Variants in CAMTA1 observed in about 807,000 individuals in gnomAD.
CAMTA1 encodes the protein calmodulin-binding transcription activator 1.
A neutral mutation model predicts 170.9 loss-of-function variants in CAMTA1; 27 were observed. The observed-to-expected ratio is 0.16, with a 90% CI of 0.12 to 0.22. The LOEUF (loss-of-function observed/expected upper bound fraction) is 0.22. Among genes scored for constraint, CAMTA1 ranks in the 10% least tolerant of loss-of-function variants. The probability of loss-of-function intolerance (pLI) is 1.00; values close to 1 mark genes in which losing one functional copy is unlikely to be tolerated. For synonymous variants in CAMTA1, 833 were observed against 891.5 expected (o/e 0.93, Z 1.17); for missense variants, 1,619 against 2,217.2 (o/e 0.73, Z 5.42).
chr1:6,996,444 G>A (rs962145180), intron 3 of CAMTA1, among the ~76,000 whole-genome samples: 7 of 152,194 alleles, frequency 4.6e-5, no homozygotes, highest in Non-Finnish European at 1.0e-4. Flanking sequence ...GCTGCTTACA[G>A]TCTATTCCAT....
intron 6 of CAMTA1, among the ~76,000 whole-genome samples, chr1:7,504,102 T>G (rs1292951807): frequency 2.0e-5 from 3 of 152,084 alleles, no homozygotes; most frequent in Non-Finnish European, 2.9e-5. Flanking sequence ...TGGGCAGTGG[T>G]GGGTTCTTAG....
At chr1:7,358,517 TTCC>T (rs1174231975) in intron 5 of CAMTA1, among the ~76,000 whole-genome samples, 2 of 151,468 alleles carry the variant, frequency 1.3e-5, no homozygotes, top group Non-Finnish European at 2.9e-5. Flanking sequence ...GGAGCCTCCC[TTCC>T]TCCTCCAGCG....
chr1:7,376,511 T>C (rs59889992), intron 5 of CAMTA1, among the ~76,000 whole-genome samples: 3,257 of 152,270 alleles, frequency 0.021, 83 homozygotes, highest in African/African-American at 0.061. Context: ...CAGTGCCTAA[T>C]TTAGTGAGTC....
At position 7,633,313 on chromosome 1, in the gene CAMTA1, A is replaced by G. The variant is rs576071245; in HGVS notation, c.511-7087A>G. Among the ~76,000 whole-genome samples, 5 of 152,280 alleles carry G rather than the reference A, an allele frequency of 3.3e-5. No individual in the cohort carries two copies. In the East Asian group the frequency reaches 9.7e-4, roughly 30 times the overall value. ...GGAACTGGGGAGGTCAGCAGCTCCAAATGCATTTCCAGGAGGCACAGCTGG... is the reference window on the plus strand; with the variant it reads ...GGAACTGGGGAGGTCAGCAGCTCCAGATGCATTTCCAGGAGGCACAGCTGG... On this transcript the variant is annotated intron_variant, in intron 6 of 22. Coordinates refer to ENST00000303635, the MANE Select transcript of CAMTA1 (RefSeq NM_015215.4). The surrounding 1 kb of genome is among the most constrained non-coding windows in gnomAD (Gnocchi z 4.1).
At chr1:7,187,859 A>G (rs1183592977) in intron 4 of CAMTA1, among the ~76,000 whole-genome samples, 1 of 152,080 alleles carries the variant, frequency 6.6e-6, no homozygotes, top group Non-Finnish European at 1.5e-5. Context: ...CTTCTTGGAG[A>G]CAGCTCTTTT....
intron 6 of CAMTA1, among the ~76,000 whole-genome samples, chr1:7,494,803 C>CA (rs565682186): frequency 7.9e-5 from 12 of 151,256 alleles, no homozygotes; most frequent in African/African-American, 1.7e-4. Flanking sequence ...GACCCTGTCT[C>CA]AAAAAAAATA....
chr1:7,730,924 CTCTCTATA>C (rs774628855), intron 11 of CAMTA1, among the ~76,000 whole-genome samples: 23 of 108,050 alleles, frequency 2.1e-4, no homozygotes, highest in African/African-American at 6.6e-4. Flanking sequence ...CTCTCTCTCT[CTCTCTATA>C]TATATATATA....
At position 7,732,119 on chromosome 1, in the gene CAMTA1, C is replaced by T. The variant is rs1316432611; in HGVS notation, c.2915-329C>T. Among the ~76,000 whole-genome samples the T allele has an allele frequency of 6.6e-6, 1 of 151,406 alleles. No individual in the cohort carries two copies. The highest frequency in any genetic ancestry group is 1.5e-5 in the Non-Finnish European group (1 of 67,958). ...TATTTATTTTACTTGCTCTAGAGGG[C>T]TCTCTACCAGATCTCATGTCAGGGT... is the stretch of plus-strand genomic sequence containing the variant. On this transcript the variant is annotated intron_variant, in intron 11 of 22. Transcript: ENST00000303635. This position sits in a 1 kb window ranked among gnomAD's most constrained non-coding sequence, Gnocchi z 4.1.
intron 4 of CAMTA1, among the ~76,000 whole-genome samples, chr1:7,189,038 G>A (rs1325028092): frequency 6.6e-5 from 10 of 152,114 alleles, no homozygotes; most frequent in Non-Finnish European, 4.4e-5. Context: ...CACACTTTAA[G>A]CTTCACATTT....
At chr1:7,512,357 G>C (rs762723435) in intron 6 of CAMTA1, among the ~76,000 whole-genome samples, 1 of 152,222 alleles carries the variant, frequency 6.6e-6, no homozygotes, top group Non-Finnish European at 1.5e-5. Flanking sequence ...AGATTGGGGT[G>C]GTCCTGGAGG....
chr1:6,867,324 C>A lies in CAMTA1; in HGVS notation c.234+42114C>A, dbSNP rs369809228. 1.2e-4 allele frequency among the ~76,000 whole-genome samples: 18 copies of A among 151,884 alleles called. 1 individual carries two copies. In the South Asian group the frequency reaches 3.5e-3, roughly 30 times the overall value. On this transcript the variant is annotated intron_variant, in intron 3 of 22. Coordinates refer to ENST00000303635, the MANE Select transcript of CAMTA1 (RefSeq NM_015215.4). ...AGAAAGATATTTAACTTGTAGTTTT[C>A]GCTTTTTTTTTCTTTTTGAGGAGTA...
chr1:7,104,221 AAC>A (rs796070323), intron 4 of CAMTA1, among the ~76,000 whole-genome samples: 4 of 148,050 alleles, frequency 2.7e-5, no homozygotes, highest in East Asian at 2.0e-4. Context: ...ATGTACACAC[AAC>A]ACAACTACAC....
chr1:7,348,894 G>T (rs2084431684), intron 5 of CAMTA1, among the ~76,000 whole-genome samples: 1 of 152,180 alleles, frequency 6.6e-6, no homozygotes, highest in Admixed American at 6.5e-5. Context: ...TCCCTCAGTT[G>T]CCCATCAAAG....
chr1:7,017,919 G>A (rs145313571), intron 3 of CAMTA1, among the ~76,000 whole-genome samples: 7 of 152,018 alleles, frequency 4.6e-5, no homozygotes, highest in Admixed American at 4.6e-4. Context: ...TTCTGTGAGT[G>A]TTGAGGGCCT....
rs1441975361 is a variant in CAMTA1, at chr1:7,173,643, C to T, written c.303-75848C>T. ...CCTCAGGTGATCCACCCACCTCAGCCTCCCAAAGTGCTGAGATTACAGGCG... is the reference window on the plus strand; with the variant it reads ...CCTCAGGTGATCCACCCACCTCAGCTTCCCAAAGTGCTGAGATTACAGGCG... On this transcript the variant is annotated intron_variant, in intron 4 of 22. Transcript: ENST00000303635. This position sits in a 1 kb window ranked among gnomAD's most constrained non-coding sequence, Gnocchi z 5.4. Among the ~76,000 whole-genome samples the T allele has an allele frequency of 6.6e-6, 1 of 152,122 alleles. No individual in the cohort carries two copies. The highest frequency in any genetic ancestry group is 1.5e-5 in the Non-Finnish European group (1 of 68,018).
intron 6 of CAMTA1, among the ~76,000 whole-genome samples, chr1:7,539,832 T>C (rs1293145796): frequency 6.6e-6 from 1 of 152,228 alleles, no homozygotes; most frequent in African/African-American, 2.4e-5. Flanking sequence ...AACTGCCTGA[T>C]AGGCATCTCA....
chr1:7,493,083 A>C (rs2093751944), intron 6 of CAMTA1, among the ~76,000 whole-genome samples: 1 of 144,930 alleles, frequency 6.9e-6, no homozygotes, highest in African/African-American at 2.6e-5. Context: ...AGACATACAA[A>C]CGTGAGCACA....
At chr1:7,116,772 C>G (rs1386606879) in intron 4 of CAMTA1, among the ~76,000 whole-genome samples, 1 of 151,342 alleles carries the variant, frequency 6.6e-6, no homozygotes, top group African/African-American at 2.4e-5. Flanking sequence ...CTCAGCCTCC[C>G]GAGTAGCTGG....
intron 3 of CAMTA1, among the ~76,000 whole-genome samples, chr1:7,075,809 T>C (rs1242883811): frequency 6.6e-6 from 1 of 152,032 alleles, no homozygotes; most frequent in Non-Finnish European, 1.5e-5. Context: ...ATTACAGGTG[T>C]GTGCCACCAC....
Sources: allele counts gnomAD v4.1 joint callset (sites outside exome capture counted in the v4.1 genomes callset), GRCh38; gene constraint gnomAD v4.1.1; non-coding constraint Gnocchi (gnomAD v3.1); transcripts MANE v1.5; gene names NCBI Gene and HGNC (gene_info 2026-07-23, HGNC 2026-07-21).